TAFA1: variants seen among roughly 807,000 people sequenced by gnomAD.
TAFA1 encodes the protein chemokine-like protein TAFA-1.
In TAFA1, 4 loss-of-function variants were observed where a neutral mutation model predicts 18.5. The ratio of observed to expected loss-of-function variants is 0.22; its 90% CI spans 0.11 to 0.49. TAFA1 has a LOEUF of 0.49. TAFA1 is among the 20% of genes least tolerant of loss of function. The pLI is 0.98. For synonymous variants in TAFA1, 56 were observed against 55.2 expected (o/e 1.01, Z -0.06); for missense variants, 147 against 169.0 (o/e 0.87, Z 0.72).
chr3:68,344,740 A>G lies in TAFA1; in HGVS notation c.119-72540A>G, dbSNP rs548413217. Among the ~76,000 whole-genome samples, 14 of 152,292 alleles carry G rather than the reference A, an allele frequency of 9.2e-5. 1 individual carries two copies. In the South Asian group the frequency reaches 2.3e-3, roughly 25 times the overall value. On this transcript the variant is annotated intron_variant, in intron 2 of 4. Coordinates refer to ENST00000478136, the MANE Select transcript of TAFA1 (RefSeq NM_213609.4). ...AGGAAGAGGATAGTTATAAATATCT[A>G]CACAGTCTTTAGCTGCCAGGCATTG...
chr3:68,137,655 G>A (rs2065623831), intron 2 of TAFA1, among the ~76,000 whole-genome samples: 4 of 152,176 alleles, frequency 2.6e-5, no homozygotes, highest in African/African-American at 9.7e-5. Context: ...TATCACACAA[G>A]TCATTGCCTT....
chr3:68,034,059 A>G (rs1043561360), intron 2 of TAFA1, among the ~76,000 whole-genome samples: 8 of 152,332 alleles, frequency 5.3e-5, no homozygotes, highest in Admixed American at 3.9e-4. Context: ...CCTACAAACT[A>G]GAGACAGTGG....
intron 2 of TAFA1, among the ~76,000 whole-genome samples, chr3:68,035,743 G>A (rs1194406934): frequency 3.9e-5 from 6 of 152,290 alleles, no homozygotes; most frequent in African/African-American, 1.4e-4. Context: ...ATTGATAGAA[G>A]CGCTATTCAA....
At chr3:68,541,982 C>G (rs1382182189) in intron 4 of TAFA1, among the ~76,000 whole-genome samples, 1 of 151,930 alleles carries the variant, frequency 6.6e-6, no homozygotes, top group Non-Finnish European at 1.5e-5. Flanking sequence ...TACCAGACAC[C>G]CCAGAACGTC....
intron 2 of TAFA1, among the ~76,000 whole-genome samples, chr3:68,349,847 C>T (rs960422474): frequency 2.0e-5 from 3 of 151,962 alleles, no homozygotes; most frequent in Non-Finnish European, 4.4e-5. Flanking sequence ...GGAAGGGAGC[C>T]CAGAAGATCA....
intron 2 of TAFA1, among the ~76,000 whole-genome samples, chr3:68,040,506 A>G (rs529188381): frequency 5.1e-4 from 77 of 152,176 alleles, no homozygotes; most frequent in Non-Finnish European, 8.7e-4. Flanking sequence ...AAGTGCCTAT[A>G]TTAATACCGA....
intron 2 of TAFA1, among the ~76,000 whole-genome samples, chr3:68,179,609 C>T (rs2066169923): frequency 1.3e-5 from 2 of 152,022 alleles, no homozygotes; most frequent in Admixed American, 1.3e-4. Context: ...ATTAAAGAAC[C>T]TCTTGTTTGC....
At chr3:68,488,146 G>C (rs886261108) in intron 3 of TAFA1, among the ~76,000 whole-genome samples, 1 of 152,148 alleles carries the variant, frequency 6.6e-6, no homozygotes, top group Non-Finnish European at 1.5e-5. Context: ...AAGGAGTATT[G>C]ACTCACACAA....
intron 2 of TAFA1, among the ~76,000 whole-genome samples, chr3:68,063,491 A>C (rs938465598): frequency 6.6e-6 from 1 of 152,244 alleles, no homozygotes; most frequent in Admixed American, 6.5e-5. Context: ...AAATATTTTT[A>C]AAAGGTTACA....
intron 3 of TAFA1, among the ~76,000 whole-genome samples, chr3:68,507,533 C>T (rs1020909714): frequency 6.6e-6 from 1 of 152,036 alleles, no homozygotes; most frequent in African/African-American, 2.4e-5. Context: ...TCTACCTATA[C>T]TTAAGCTGTG....
intron 2 of TAFA1, among the ~76,000 whole-genome samples, chr3:68,337,587 C>T (rs2068995927): frequency 6.6e-6 from 1 of 152,158 alleles, no homozygotes; most frequent in African/African-American, 2.4e-5. Context: ...CATGTTATCA[C>T]CAAAATTCAG....
At chr3:68,405,615 A>T (rs574402512) in intron 2 of TAFA1, among the ~76,000 whole-genome samples, 15 of 141,556 alleles carry the variant, frequency 1.1e-4, no homozygotes, top group Non-Finnish European at 2.1e-4. Context: ...TGGGAGGATC[A>T]GTTGAGCCTG....
chr3:68,503,242 G>A (rs2665541), intron 3 of TAFA1, among the ~76,000 whole-genome samples: 30,912 of 152,086 alleles, frequency 0.2, 3,239 homozygotes, highest in Middle Eastern at 0.24. Context: ...TAAAACATGC[G>A]TAGGTTTTGT....
intron 3 of TAFA1, among the ~76,000 whole-genome samples, chr3:68,516,032 A>G (rs967797724): frequency 6.6e-6 from 1 of 152,226 alleles, no homozygotes; most frequent in Non-Finnish European, 1.5e-5. Flanking sequence ...CAGTAAAAGC[A>G]GATATATTGG....
At chr3:68,116,857 A>G (rs190064929) in intron 2 of TAFA1, among the ~76,000 whole-genome samples, 36 of 152,270 alleles carry the variant, frequency 2.4e-4, no homozygotes, top group African/African-American at 8.4e-4. Context: ...GGAACACAGC[A>G]TTGCCCATTG....
rs1228832987 is a variant in TAFA1, at chr3:68,076,642, A to AT, written c.118+69904dup. Among the ~76,000 whole-genome samples, 53 of 152,352 alleles carry AT rather than the reference A, an allele frequency of 3.5e-4. No individual in the cohort carries two copies. The East Asian group carries it at 9.0e-3, about 26-fold the overall frequency. On this transcript the variant is annotated intron_variant, in intron 2 of 4. Transcript: ENST00000478136. ...TCCCTACAAAGGACATGAACTCATCATTTTTTATGGCTGTATAGTATTCCA... is the reference window on the plus strand; with the variant it reads ...TCCCTACAAAGGACATGAACTCATCATTTTTTTATGGCTGTATAGTATTCCA...
intron 2 of TAFA1, among the ~76,000 whole-genome samples, chr3:68,123,849 A>G (rs540833157): frequency 7.7e-6 from 1 of 130,362 alleles, no homozygotes; most frequent in African/African-American, 2.9e-5. Flanking sequence ...CTGAGTTTAT[A>G]CTCTGACAAA....
chr3:68,238,501 A>G (rs1010858392), intron 2 of TAFA1, among the ~76,000 whole-genome samples: 2 of 152,218 alleles, frequency 1.3e-5, no homozygotes, highest in Non-Finnish European at 2.9e-5. Flanking sequence ...TTAATTTTCC[A>G]TGCATAGTAC....
intron 2 of TAFA1, among the ~76,000 whole-genome samples, chr3:68,390,399 C>T (rs1179288613): frequency 6.6e-6 from 1 of 152,176 alleles, no homozygotes; most frequent in Non-Finnish European, 1.5e-5. Flanking sequence ...GGACAGAGCA[C>T]CTATGGGAAG....
Sources: allele counts gnomAD v4.1 joint callset (sites outside exome capture counted in the v4.1 genomes callset), GRCh38; gene constraint gnomAD v4.1.1; transcripts MANE v1.5; gene names NCBI Gene and HGNC (gene_info 2026-07-23, HGNC 2026-07-21).